ARK2N: variants seen among roughly 807,000 people sequenced by gnomAD.
ARK2N encodes the protein protein ARK2N.
the ARK2N span, among the ~76,000 whole-genome samples, chr18:46,240,535 C>T: frequency 1.3e-5 from 2 of 152,200 alleles, no homozygotes; most frequent in Non-Finnish European, 2.9e-5. Context: ...CACTTTAATT[C>T]TGGGTAGTGA....
chr18:46,195,701 A>G, the ARK2N span, among the ~76,000 whole-genome samples: 4 of 149,056 alleles, frequency 2.7e-5, no homozygotes, highest in African/African-American at 7.5e-5. Flanking sequence ...TTAGCCTCCA[A>G]AGTAGCTGGG....
the ARK2N span, among the ~76,000 whole-genome samples, chr18:46,194,546 C>A: frequency 2.3e-3 from 351 of 151,710 alleles, 3 homozygotes; most frequent in Non-Finnish European, 3.6e-3. Flanking sequence ...GGTCTCGGCT[C>A]ACTGCAGCCT....
the ARK2N span, among the ~76,000 whole-genome samples, chr18:46,256,703 A>G: frequency 6.6e-6 from 1 of 152,208 alleles, no homozygotes; most frequent in South Asian, 2.1e-4. Context: ...GTGGTGGTTA[A>G]AATTGTCCGT....
the ARK2N span, among the ~76,000 whole-genome samples, chr18:46,211,346 C>T: frequency 6.6e-6 from 1 of 152,070 alleles, no homozygotes; most frequent in Non-Finnish European, 1.5e-5. Flanking sequence ...GTAGCTGGAA[C>T]CACAGCATGT....
At chr18:46,213,176 A>G in the ARK2N span, among the ~76,000 whole-genome samples, 1 of 151,006 alleles carries the variant, frequency 6.6e-6, no homozygotes, top group South Asian at 2.1e-4. Context: ...TAATTTTTGT[A>G]TTTTTAGTAG....
chr18:46,184,924 C>T, the ARK2N span, among the ~76,000 whole-genome samples: 123,956 of 151,764 alleles, frequency 0.82, 50,851 homozygotes, highest in South Asian at 0.91. Context: ...TGCGTATACA[C>T]ACACAATCAC....
At chr18:46,236,773 C>A in the ARK2N span, among the ~76,000 whole-genome samples, 1 of 151,878 alleles carries the variant, frequency 6.6e-6, no homozygotes, top group African/African-American at 2.4e-5. Flanking sequence ...AGGGCAGTAT[C>A]CCCGTGTTTA....
the ARK2N span, among the ~76,000 whole-genome samples, chr18:46,229,207 T>C: frequency 6.6e-6 from 1 of 151,562 alleles, no homozygotes; most frequent in East Asian, 1.9e-4. Context: ...CATTGCTGTC[T>C]GAAGGAGTGT....
At chr18:46,250,462 A>G in the ARK2N span, among the ~76,000 whole-genome samples, 1 of 112,654 alleles carries the variant, frequency 8.9e-6, no homozygotes, top group African/African-American at 3.1e-5. Flanking sequence ...TCATTTGCCT[A>G]ATTCCCAACA....
chr18:46,205,490 G>A, the ARK2N span, among the ~76,000 whole-genome samples: 1 of 152,150 alleles, frequency 6.6e-6, no homozygotes. Flanking sequence ...TGTTTTCTCT[G>A]TGTTTTACGG....
the ARK2N span, among the ~76,000 whole-genome samples, chr18:46,181,246 G>A: frequency 6.6e-6 from 1 of 152,108 alleles, no homozygotes; most frequent in Non-Finnish European, 1.5e-5. Context: ...GGGCAACAGA[G>A]CAAGACTCCC....
chr18:46,195,985 C>CT, the ARK2N span, among the ~76,000 whole-genome samples: 1,430 of 142,868 alleles, frequency 0.01, 24 homozygotes, highest in Middle Eastern at 0.041. Context: ...TTTTCTTTTT[C>CT]TTTTTTTTTT....
At chr18:46,207,388 C>CTTTTT in the ARK2N span, among the ~76,000 whole-genome samples, 3 of 115,916 alleles carry the variant, frequency 2.6e-5, no homozygotes, top group Non-Finnish European at 1.7e-5. Flanking sequence ...AGTTTCTATA[C>CTTTTT]TTTTTTTTTT....
the ARK2N span, among the ~76,000 whole-genome samples, chr18:46,187,395 G>A: frequency 6.6e-6 from 1 of 150,708 alleles, no homozygotes; most frequent in Non-Finnish European, 1.5e-5. Flanking sequence ...GGGCTGGAGT[G>A]CAGTAGCGCC....
At chr18:46,236,563 G>T in the ARK2N span, among the ~76,000 whole-genome samples, 6 of 152,216 alleles carry the variant, frequency 3.9e-5, no homozygotes, top group Admixed American at 3.9e-4. Context: ...TGGCAGATGG[G>T]AGAATGTGCA....
chr18:46,244,842 C>A, the ARK2N span, among the ~76,000 whole-genome samples: 2 of 151,954 alleles, frequency 1.3e-5, no homozygotes, highest in Non-Finnish European at 2.9e-5. Context: ...CTCCAGTGAT[C>A]CGCCTGTCTT....
chr18:46,216,007 A>G, the ARK2N span: 1 of 1,614,146 alleles, frequency 6.2e-7, no homozygotes, highest in Non-Finnish European at 8.5e-7. The surrounding 1 kb of genome is among the most constrained non-coding windows in gnomAD (Gnocchi z 4.3). Context: ...TCAAGTTCAG[A>G]AAGATGGTGT....
chr18:46,255,445 C>CTTTTTTTTTTTTTTTTTTTTTTTTTTTT, the ARK2N span, among the ~76,000 whole-genome samples: 2 of 77,742 alleles, frequency 2.6e-5, no homozygotes, highest in African/African-American at 1.2e-4. Context: ...CTTTTCTTTT[C>CTTTTTTTTTTTTTTTTTTTTTTTTTTTT]TTTTTTTTTT....
At chr18:46,182,060 A>G in the ARK2N span, among the ~76,000 whole-genome samples, 1 of 152,204 alleles carries the variant, frequency 6.6e-6, no homozygotes. Context: ...GTGCCTTATA[A>G]TTAGAGAAAG....
Sources: gnomAD v4.1 joint callset for allele counts (sites outside exome capture counted in the v4.1 genomes callset) on GRCh38, gnomAD v4.1.1 for gene constraint, Gnocchi (gnomAD v3.1) non-coding constraint, MANE v1.5 for transcripts, NCBI Gene and HGNC (gene_info 2026-07-23, HGNC 2026-07-21) for gene names.